The following PCDHGB3 variants were observed in gnomAD, a reference collection of about 807,000 sequenced individuals.
The protein encoded by PCDHGB3 is protocadherin gamma-B3.
PCDHGB3 carries 40 observed loss-of-function variants against 59.2 expected under a neutral mutation model. The observed-to-expected ratio is 0.68, with a 90% confidence interval of 0.52 to 0.88. PCDHGB3 has a LOEUF of 0.88. Among genes scored for constraint, PCDHGB3 ranks in the 40% least tolerant of loss-of-function variants. PCDHGB3 has a pLI of 0.00. For missense variants in PCDHGB3, 1,309 were observed against 1,187.9 expected, an observed-to-expected ratio of 1.10 and a Z score of -1.50; for synonymous variants, 581 against 503.6, an observed-to-expected ratio of 1.15 and a Z score of -2.06.
In PCDHGB3 at chr5:141,489,183, G is replaced by A. The variant is rs2099683673; in HGVS notation, c.2416-5624G>A. 7.9e-7 allele frequency: 1 copy of A among 1,270,400 alleles called. No individual in the cohort carries two copies. Among genetic ancestry groups the A allele is most frequent in the Non-Finnish European group, 1.1e-6 (1 of 913,958 alleles). The allele number at this position is 1,270,400 out of a possible 1,614,324, so 78.7% of individuals were successfully genotyped here. A position where few individuals can be genotyped will look rare whatever the true frequency, so the allele number is the denominator to read the frequency against. ...TTCAGCTGCTGCATTCCAAGCCCTGGGTCTACCTTGGAGACAGGACAGCAC... is the reference window on the plus strand; with the variant it reads ...TTCAGCTGCTGCATTCCAAGCCCTGAGTCTACCTTGGAGACAGGACAGCAC... On this transcript the variant is annotated intron_variant, in intron 1 of 3. Transcript: ENST00000576222. The surrounding 1 kb of genome is among the most constrained non-coding windows in gnomAD (Gnocchi z 4.5).
intron 1 of PCDHGB3, chr5:141,376,853 A>C (rs188570810): frequency 0.022 from 4,983 of 229,694 alleles, 85 homozygotes; most frequent in East Asian, 0.036. Flanking sequence ...CGCCCGGCTA[A>C]TTTTTTTGTA....
At position 141,415,171 on chromosome 5, in the gene PCDHGB3, G is replaced by A. The variant is rs748508713; in HGVS notation, c.2415+42362G>A. ...TCTCTCCGCCACTGTCACGCTCACC[G>A]TGGCCGTGGCCGACAGCATCCCCCA... On this transcript the variant is annotated intron_variant, in intron 1 of 3. Coordinates refer to ENST00000576222, the MANE Select transcript of PCDHGB3 (RefSeq NM_018924.5). 8 of 1,613,876 alleles carry A rather than the reference G, an allele frequency of 5.0e-6. No homozygotes were observed. In the South Asian group the frequency reaches 6.6e-5, roughly 13 times the overall value.
intron 1 of PCDHGB3, chr5:141,409,447 AC>A (rs779658060): frequency 1.4e-4 from 222 of 1,613,890 alleles, no homozygotes; most frequent in Non-Finnish European, 1.8e-4. Context: ...GAGAGCAGAC[AC>A]CAGAATACAA....
chr5:141,370,281 A>G lies in PCDHGB3; in HGVS notation c.-114A>G, dbSNP rs184302654. The G allele has an allele frequency of 3.3e-5, 30 of 916,904 alleles. No individual in the cohort carries two copies. In the Admixed American group the frequency reaches 8.3e-4, roughly 25 times the overall value. 56.8% of individuals were successfully genotyped at this position (916,904 alleles called of 1,614,324 possible). On this transcript the variant is annotated 5_prime_UTR_variant, in exon 1 of 4. Coordinates refer to ENST00000576222, the MANE Select transcript of PCDHGB3 (RefSeq NM_018924.5). ...GCTTCCTGCAGCGGAGACACCCATTAGAGAACCCAAGCACAAAGACAAAGC... is the reference window on the plus strand; with the variant it reads ...GCTTCCTGCAGCGGAGACACCCATTGGAGAACCCAAGCACAAAGACAAAGC...
intron 1 of PCDHGB3, chr5:141,388,456 A>G: frequency 5.0e-6 from 8 of 1,613,810 alleles, no homozygotes; most frequent in Non-Finnish European, 5.9e-6. Flanking sequence ...GGCAGTAAAT[A>G]CCCTGAGATG....
At chr5:141,421,776 G>A in intron 1 of PCDHGB3, 5 of 1,613,876 alleles carry the variant, frequency 3.1e-6, no homozygotes, top group Non-Finnish European at 3.4e-6. Context: ...CCTTGCAACT[G>A]CGGGGCAGAA....
chr5:141,485,525 C>A lies in PCDHGB3; in HGVS notation c.2416-9282C>A. On this transcript the variant is annotated intron_variant, in intron 1 of 3. Transcript: ENST00000576222. This position sits in a 1 kb window ranked among gnomAD's most constrained non-coding sequence, Gnocchi z 5.7. ...CACCGAAGGTCCTTTGGAAATGTAC[C>A]GAGCAGAGGTAGAGATCGTAGATGT... The A allele has an allele frequency of 5.6e-6, 9 of 1,614,122 alleles. No individual in the cohort carries two copies. Among genetic ancestry groups the A allele is most frequent in the Non-Finnish European group, 7.6e-6 (9 of 1,180,022 alleles).
rs189127761 is a variant in PCDHGB3 at position 141,385,037 on chromosome 5, C to A, written c.2415+12228C>A. Reference sequence around the variant, plus strand: ...CTAGCCTTCGTCCTCGTACTGCTGGCGCTCAGGCTGCGGCGCTGGCACAAG... The same window carrying A: ...CTAGCCTTCGTCCTCGTACTGCTGGAGCTCAGGCTGCGGCGCTGGCACAAG... On this transcript the variant is annotated intron_variant, in intron 1 of 3. Transcript: ENST00000576222. The A allele has an allele frequency of 5.8e-5, 93 of 1,614,148 alleles. No individual in the cohort carries two copies. In the East Asian group the frequency reaches 1.7e-3, roughly 30 times the overall value.
intron 1 of PCDHGB3, among the ~76,000 whole-genome samples, chr5:141,481,863 G>A (rs182704348): frequency 8.8e-4 from 130 of 147,602 alleles, no homozygotes; most frequent in African/African-American, 3.3e-3. Flanking sequence ...GCAGTGAGCC[G>A]AGATCGCGCC....
At chr5:141,423,139 G>T (rs2096713828) in intron 1 of PCDHGB3, 4 of 1,613,498 alleles carry the variant, frequency 2.5e-6, no homozygotes, top group Non-Finnish European at 3.4e-6. Flanking sequence ...GGACAGAGAC[G>T]CGCTCAAGCA....
At chr5:141,429,848 C>T (rs567448097) in intron 1 of PCDHGB3, among the ~76,000 whole-genome samples, 25 of 152,228 alleles carry the variant, frequency 1.6e-4, no homozygotes, top group African/African-American at 5.8e-4. Context: ...AAGTCTGTAA[C>T]ATTCTTTGGA....
chr5:141,376,631 G>A (rs1250313764), intron 1 of PCDHGB3: 5 of 1,182,416 alleles, frequency 4.2e-6, no homozygotes, highest in East Asian at 2.7e-5. Context: ...AGGAAGATTC[G>A]TGATTTTGTA....
At chr5:141,465,840 A>G (rs1212861707) in intron 1 of PCDHGB3, among the ~76,000 whole-genome samples, 1 of 151,734 alleles carries the variant, frequency 6.6e-6, no homozygotes, top group Non-Finnish European at 1.5e-5. Context: ...ATTTCAACTG[A>G]GGCTGGGCCC....
intron 1 of PCDHGB3, chr5:141,418,165 T>G (rs1296752918): frequency 6.2e-7 from 1 of 1,614,034 alleles, no homozygotes. Flanking sequence ...GAAGAAGATG[T>G]GAGTTGCAAT....
chr5:141,502,027 C>T (rs547850211), intron 2 of PCDHGB3, among the ~76,000 whole-genome samples: 6 of 152,274 alleles, frequency 3.9e-5, no homozygotes, highest in African/African-American at 9.6e-5. Flanking sequence ...CTGCAACCCC[C>T]GCCGCTTGCC....
At chr5:141,434,338 G>A (rs1037038534) in intron 1 of PCDHGB3, among the ~76,000 whole-genome samples, 5 of 152,086 alleles carry the variant, frequency 3.3e-5, no homozygotes, top group East Asian at 1.9e-4. Context: ...TCTTTGTGTC[G>A]GGAACAGGCC....
At chr5:141,492,402 C>A (rs1254310448) in intron 1 of PCDHGB3, among the ~76,000 whole-genome samples, 1 of 152,232 alleles carries the variant, frequency 6.6e-6, no homozygotes, top group African/African-American at 2.4e-5. Flanking sequence ...TCGCAGCTCC[C>A]CTCTGCCGCT....
intron 1 of PCDHGB3, chr5:141,478,721 C>A: frequency 6.5e-7 from 1 of 1,543,216 alleles, no homozygotes; most frequent in Non-Finnish European, 8.8e-7. Context: ...TGGTGGCCTG[C>A]CAGAGTGTGG....
chr5:141,412,559 G>C (rs1408913988), intron 1 of PCDHGB3: 2 of 152,100 alleles, frequency 1.3e-5, no homozygotes, highest in African/African-American at 4.8e-5. Context: ...TATCTCATGA[G>C]TTTATTTAAT....
Sources: allele counts gnomAD v4.1 joint callset (sites outside exome capture counted in the v4.1 genomes callset), GRCh38; gene constraint gnomAD v4.1.1; non-coding constraint Gnocchi (gnomAD v3.1); transcripts MANE v1.5; gene names NCBI Gene and HGNC (gene_info 2026-07-23, HGNC 2026-07-21).